Variants in SYNE2 observed in about 807,000 individuals in gnomAD.
SYNE2 encodes the protein spectrin repeat containing nuclear envelope protein 2.
In SYNE2, 431 loss-of-function variants were observed where a neutral mutation model predicts 856.3. The observed-to-expected ratio is 0.50, with a 90% CI of 0.47 to 0.55. The LOEUF (loss-of-function observed/expected upper bound fraction) is 0.55. Among genes scored for constraint, SYNE2 ranks in the 20% least tolerant of loss-of-function variants. The pLI is 0.00. For missense variants in SYNE2, 8,129 were observed against 8,023.2 expected (o/e 1.01, Z -0.50); for synonymous variants, 2,923 against 2,872.3 (o/e 1.02, Z -0.56).
At chr14:64,209,714 C>G in intron 102 of SYNE2, 136 bp downstream of exon 102, 1 of 1,331,116 alleles carries the variant, frequency 7.5e-7, no homozygotes. Flanking sequence ...CAGCCTGCCC[C>G]CAGCTGCTGA....
At chr14:63,833,776 G>A (rs1319728944) in intron 1 of SYNE2, among the ~76,000 whole-genome samples, 1 of 151,964 alleles carries the variant, frequency 6.6e-6, no homozygotes, top group Non-Finnish European at 1.5e-5. Context: ...CTAACTGTGC[G>A]ATTATTTAAA....
rs33976862 is a variant in SYNE2 at position 63,942,134 on chromosome 14, G to C, written c.399G>C (p.Leu133=). Residue 133 remains leucine, a synonymous_variant, in exon 6 of 116, where the codon CTG becomes CTC. Transcript: ENST00000555002. The part of the protein sequence containing the change: ...IILGLIWTII[L]HFHIEKLAQT... The stretch of plus-strand genomic sequence containing the variant: ...TTGGCCTAATTTGGACAATTATCCT[G>C]CACTTTCATGTAAGTAGTTTGATGA... 125,396 of 1,578,694 alleles carry C rather than the reference G, an allele frequency of 0.079. 6,239 individuals carry two copies. Among genetic ancestry groups the C allele is most frequent in the African/African-American group, 0.22 (15,945 of 73,974 alleles).
chr14:63,839,272 G>A (rs905899776), intron 1 of SYNE2, among the ~76,000 whole-genome samples: 9 of 151,446 alleles, frequency 5.9e-5, no homozygotes, highest in East Asian at 2.0e-4. Flanking sequence ...CTCGTGATCC[G>A]CCTACCTTGG....
At chr14:63,912,586 T>A (rs891285729) in intron 2 of SYNE2, among the ~76,000 whole-genome samples, 18 of 152,190 alleles carry the variant, frequency 1.2e-4, no homozygotes, top group Non-Finnish European at 1.9e-4. Context: ...AACCTTTTTT[T>A]AGAGGCAGAT....
chr14:64,156,307 T>C (rs2098284909), intron 85 of SYNE2, among the ~76,000 whole-genome samples: 1 of 152,200 alleles, frequency 6.6e-6, no homozygotes, highest in African/African-American at 2.4e-5. Flanking sequence ...GCAGTTCTTG[T>C]GTTGACATGT....
In SYNE2 at chr14:63,932,352, A is replaced by G. The variant is rs550633363; in HGVS notation, c.80-8262A>G. Among the ~76,000 whole-genome samples the G allele has an allele frequency of 2.0e-5, 3 of 152,346 alleles. No individual in the cohort carries two copies. The East Asian group carries it at 5.8e-4, about 29-fold the overall frequency. The stretch of plus-strand genomic sequence containing the variant: ...AGCCGAGATCGTGCCATTGCACTCC[A>G]GCCTGGGTGACAAGAGTGAAACTCC... On this transcript the variant is annotated intron_variant, in intron 2 of 115. Coordinates refer to ENST00000555002, the MANE Select transcript of SYNE2 (RefSeq NM_182914.3).
At chr14:64,217,143 C>A (rs2098670371) in intron 108 of SYNE2, among the ~76,000 whole-genome samples, 1 of 152,242 alleles carries the variant, frequency 6.6e-6, no homozygotes, top group Non-Finnish European at 1.5e-5. Flanking sequence ...TGCCATGGTA[C>A]CTGAGGCACT....
chr14:64,072,507 T>A (rs2097419863), intron 52 of SYNE2, among the ~76,000 whole-genome samples: 1 of 151,544 alleles, frequency 6.6e-6, no homozygotes, highest in African/African-American at 2.4e-5. Context: ...CTTCTCCTTT[T>A]TTTTTTTTTT....
intron 1 of SYNE2, among the ~76,000 whole-genome samples, chr14:63,798,882 C>T (rs1301352870): frequency 6.6e-6 from 1 of 152,106 alleles, no homozygotes; most frequent in Non-Finnish European, 1.5e-5. Flanking sequence ...AGGAACAGGC[C>T]TTGTTCGCTT....
At chr14:64,214,638 T>A (rs780805748) in intron 106 of SYNE2, 168 bp downstream of exon 106, 42 of 660,864 alleles carry the variant, frequency 6.4e-5, no homozygotes, top group Non-Finnish European at 8.0e-5. Flanking sequence ...ACCTGAGAAT[T>A]GGCTCACTCT....
chr14:64,170,523 A>G (rs1421920460), intron 94 of SYNE2, 61 bp downstream of exon 94: 45 of 1,485,252 alleles, frequency 3.0e-5, no homozygotes, highest in African/African-American at 5.6e-5. Context: ...CAAGATGTTC[A>G]TTCACCTTTG....
chr14:63,829,448 G>C (rs1448692057), intron 1 of SYNE2, among the ~76,000 whole-genome samples: 2 of 151,714 alleles, frequency 1.3e-5, no homozygotes, highest in Non-Finnish European at 1.5e-5. Flanking sequence ...AACAAAAAAA[G>C]TCTAGCGTTT....
At chr14:64,045,083 A>T (rs994696191) in intron 45 of SYNE2, among the ~76,000 whole-genome samples, 2 of 152,146 alleles carry the variant, frequency 1.3e-5, no homozygotes, top group African/African-American at 4.8e-5. Context: ...GCTTATCAGG[A>T]CCTGGAGTCT....
At chr14:64,039,571 A>T (rs1005026645) in intron 45 of SYNE2, among the ~76,000 whole-genome samples, 1 of 152,216 alleles carries the variant, frequency 6.6e-6, no homozygotes, top group Non-Finnish European at 1.5e-5. Context: ...GCAACATTTT[A>T]AAAAAAGAGT....
At chr14:64,100,521 AAAAAAAAAAAATATATATATATATAT>A (rs1266654386) in intron 63 of SYNE2, among the ~76,000 whole-genome samples, 1 of 66,686 alleles carries the variant, frequency 1.5e-5, no homozygotes, top group African/African-American at 9.1e-5. Flanking sequence ...TCTCAAAAAA[AAAAAAAAAAAATATATATATATATAT>A]ATATATATAT....
In SYNE2 at chr14:63,982,652, A is replaced by G; in HGVS notation, c.1859A>G (p.Gln620Arg). Residue 620 changes from glutamine (Q) to arginine (R), a missense_variant, in exon 17 of 116, where the codon CAG (glutamine) becomes CGG (arginine). By Grantham distance (43) the Gln-to-Arg change is conservative. Transcript: ENST00000555002. ...IKEVPFETLAQWNLEHATLNE... is the reference protein window; with the variant it reads ...IKEVPFETLARWNLEHATLNE... ...TAGGTACCCTTTGAGACACTAGCCCAGTGGAATCTAGAACACGCTACTTTA... is the reference window on the plus strand; with the variant it reads ...TAGGTACCCTTTGAGACACTAGCCCGGTGGAATCTAGAACACGCTACTTTA... 1 of 1,614,122 alleles carries G rather than the reference A, an allele frequency of 6.2e-7. No individual in the cohort carries two copies. Among genetic ancestry groups the G allele is most frequent in the Non-Finnish European group, 8.5e-7 (1 of 1,180,004 alleles).
intron 64 of SYNE2, 88 bp downstream of exon 64, chr14:64,102,130 C>T: frequency 2.1e-6 from 2 of 944,120 alleles, no homozygotes; most frequent in Non-Finnish European, 3.4e-6. Context: ...TCTTTCCCTA[C>T]ACCCCTGAGA....
chr14:64,083,828 C>A (rs2097540967), intron 57 of SYNE2, among the ~76,000 whole-genome samples: 1 of 152,194 alleles, frequency 6.6e-6, no homozygotes, highest in South Asian at 2.1e-4. Context: ...TTTGTTAAAA[C>A]AGGTCTTTGT....
Position 64,017,750 on chromosome 14 carries a change from G to A in SYNE2, c.5043G>A (p.Arg1681=). 3 of 1,613,520 alleles carry A rather than the reference G, an allele frequency of 1.9e-6. No homozygotes were observed. The highest frequency in any genetic ancestry group is 2.5e-6 in the Non-Finnish European group (3 of 1,179,662). ...AATTGACTGAAGAGGACAGAGAAAGGCTGAAGGTAATTTAACAGATAAAAT... is the reference window on the plus strand; with the variant it reads ...AATTGACTGAAGAGGACAGAGAAAGACTGAAGGTAATTTAACAGATAAAAT... The part of the protein sequence containing the change: ...LHQLTEEDRE[R]LKEELQVHEQ... The change falls in exon 34 of 116, where the codon AGG becomes AGA. Residue 1681 remains arginine, a synonymous_variant. Coordinates refer to ENST00000555002, the MANE Select transcript of SYNE2 (RefSeq NM_182914.3).
Sources: gnomAD v4.1 joint callset for allele counts (sites outside exome capture counted in the v4.1 genomes callset) on GRCh38, gnomAD v4.1.1 for gene constraint, MANE v1.5 for transcripts, NCBI Gene and HGNC (gene_info 2026-07-23, HGNC 2026-07-21) for gene names.